Variants in CNNM2 observed in about 807,000 individuals in gnomAD.
CNNM2 encodes the protein cyclin and CBS domain divalent metal cation transport mediator 2.
CNNM2 carries 12 observed loss-of-function variants against 66.9 expected under a neutral mutation model. That is an observed-to-expected ratio of 0.18 (90% CI 0.11 to 0.29). CNNM2 has a LOEUF of 0.29. Ranked by LOEUF, CNNM2 falls within the 10% of genes least tolerant of loss-of-function variation. The pLI, the probability that CNNM2 is intolerant of heterozygous loss-of-function variation, is 1.00. For synonymous variants in CNNM2, 557 were observed against 501.8 expected (o/e 1.11, Z -1.47); for missense variants, 705 against 1,167.7 (o/e 0.60, Z 5.77).
Position 102,918,492 on chromosome 10 carries a change from T to A in CNNM2, c.12T>A (p.Cys4Ter). 1.2e-6 allele frequency: 2 copies of A among 1,606,960 alleles called. No individual in the cohort carries two copies. The highest frequency in any genetic ancestry group is 2.2e-5 in the South Asian group (2 of 90,162). The part of the protein sequence containing the change: MIG[C>*]GACEPKVKMA... Reference sequence around the variant, plus strand: ...GGAGCAGCCACCCTATGATTGGCTGTGGCGCTTGTGAACCCAAAGTAAAGA... The same window carrying A: ...GGAGCAGCCACCCTATGATTGGCTGAGGCGCTTGTGAACCCAAAGTAAAGA... The change falls in exon 1 of 8, where the codon TGT becomes TGA. Residue 4 changes from cysteine to a stop codon, truncating the protein, a stop_gained. Transcript: ENST00000369878. LOFTEE classifies it high-confidence loss of function. The surrounding 1 kb of genome is among the most constrained non-coding windows in gnomAD (Gnocchi z 4.1).
intron 1 of CNNM2, among the ~76,000 whole-genome samples, chr10:102,990,048 G>A (rs938803912): frequency 4.0e-5 from 6 of 151,310 alleles, no homozygotes; most frequent in African/African-American, 9.7e-5. Flanking sequence ...CGGTTCAAGC[G>A]ATTCTCATGC....
Position 103,068,484 on chromosome 10 carries a change from G to A in CNNM2, c.2074-145G>A, listed in dbSNP as rs1160216102. On this transcript the variant is annotated intron_variant, in intron 4 of 7. Transcript: ENST00000369878. ...AGCGAATGAGCCCCCTCCTCTCAGT[G>A]GGAAAGATGAGCTGAAGCTTTACTC... 1.4e-6 allele frequency: 1 copy of A among 709,926 alleles called. No individual in the cohort carries two copies. Among genetic ancestry groups the A allele is most frequent in the Non-Finnish European group, 2.5e-6 (1 of 393,638 alleles). 44.0% of individuals were successfully genotyped at this position (709,926 alleles called of 1,614,324 possible).
chr10:103,034,161 A>G (rs2064884076), intron 1 of CNNM2, among the ~76,000 whole-genome samples: 1 of 151,996 alleles, frequency 6.6e-6, no homozygotes, highest in African/African-American at 2.4e-5. Flanking sequence ...TTTCCCTTAT[A>G]TCACATAATT....
chr10:103,073,611 C>T (rs1467129851), intron 6 of CNNM2, among the ~76,000 whole-genome samples: 1 of 152,096 alleles, frequency 6.6e-6, no homozygotes, highest in Non-Finnish European at 1.5e-5. Context: ...CCTGTAATCC[C>T]AGCACTTTCG....
At chr10:102,993,781 AG>A (rs1489394534) in intron 1 of CNNM2, among the ~76,000 whole-genome samples, 1 of 151,880 alleles carries the variant, frequency 6.6e-6, no homozygotes, top group Non-Finnish European at 1.5e-5. Context: ...AAAAATTTTC[AG>A]GGTATACTTT....
At chr10:102,967,992 A>C (rs1272176920) in intron 1 of CNNM2, among the ~76,000 whole-genome samples, 3 of 152,248 alleles carry the variant, frequency 2.0e-5, no homozygotes, top group Admixed American at 1.3e-4. Context: ...TGAGCGACAC[A>C]GTGAGACTCT....
chr10:103,074,651 G>C (rs147351975), intron 6 of CNNM2, among the ~76,000 whole-genome samples: 58 of 152,092 alleles, frequency 3.8e-4, no homozygotes, highest in African/African-American at 1.3e-3. Context: ...TGGGCAACAT[G>C]GCAAAAACCC....
At chr10:102,930,068 C>T (rs1435168987) in intron 1 of CNNM2, among the ~76,000 whole-genome samples, 1 of 152,086 alleles carries the variant, frequency 6.6e-6, no homozygotes, top group Non-Finnish European at 1.5e-5. Context: ...GCTATGTTAG[C>T]TTTTTATGTT....
chr10:102,935,507 G>A (rs1846205343), intron 1 of CNNM2, among the ~76,000 whole-genome samples: 1 of 151,864 alleles, frequency 6.6e-6, no homozygotes, highest in Admixed American at 6.6e-5. Context: ...ATTTATCAAG[G>A]GTCTTCTTTG....
intron 1 of CNNM2, among the ~76,000 whole-genome samples, chr10:103,005,810 C>G (rs1002508315): frequency 6.6e-6 from 1 of 152,060 alleles, no homozygotes; most frequent in Non-Finnish European, 1.5e-5. Flanking sequence ...CTCACTGCAG[C>G]CTTGATCTCC....
intron 4 of CNNM2, among the ~76,000 whole-genome samples, chr10:103,062,067 A>C (rs1179681445): frequency 6.6e-6 from 1 of 152,244 alleles, no homozygotes; most frequent in East Asian, 1.9e-4. Flanking sequence ...CTATGCAAAT[A>C]TATTTATAGC....
At chr10:103,058,499 C>T (rs943165406) in intron 4 of CNNM2, among the ~76,000 whole-genome samples, 1 of 152,054 alleles carries the variant, frequency 6.6e-6, no homozygotes, top group Non-Finnish European at 1.5e-5. Context: ...AGTTGTGATT[C>T]AGTAATGCTT....
In CNNM2 at chr10:103,068,653, A is replaced by G; in HGVS notation, c.2098A>G (p.Lys700Glu). Residue 700 changes from lysine to glutamate, a missense_variant, in exon 5 of 8, where the codon AAA (lysine) becomes GAA (glutamate). Coordinates refer to ENST00000369878, the MANE Select transcript of CNNM2 (RefSeq NM_017649.5). ...GGGGAAAGTGGAAGTTGAAGCTGGG[A>G]AAGAAGGTATGAAGTTTGAAGCGAG... The part of the protein sequence containing the change: ...LQGKVEVEAG[K>E]EGMKFEASAF... 6.2e-7 allele frequency: 1 copy of G among 1,612,876 alleles called. No homozygotes were observed.
intron 1 of CNNM2, among the ~76,000 whole-genome samples, chr10:103,017,804 A>T (rs944522248): frequency 6.6e-6 from 1 of 151,816 alleles, no homozygotes; most frequent in Non-Finnish European, 1.5e-5. Flanking sequence ...TGTCTCTACT[A>T]AACATACAGA....
intron 1 of CNNM2, among the ~76,000 whole-genome samples, chr10:103,028,345 G>A (rs1467189366): frequency 2.0e-5 from 3 of 152,066 alleles, no homozygotes; most frequent in Non-Finnish European, 4.4e-5. Flanking sequence ...ACAACTCATT[G>A]TATTTGAGTA....
intron 1 of CNNM2, among the ~76,000 whole-genome samples, chr10:102,922,817 T>C (rs559247170): frequency 1.7e-4 from 26 of 151,840 alleles, no homozygotes; most frequent in African/African-American, 6.3e-4. Context: ...GGTGTGTGCC[T>C]GTGGTCCCAG....
intron 1 of CNNM2, among the ~76,000 whole-genome samples, chr10:103,043,308 T>C (rs545667718): frequency 6.6e-6 from 1 of 152,334 alleles, no homozygotes; most frequent in South Asian, 2.1e-4. Context: ...TATATCACGT[T>C]GTTCCTAATT....
chr10:102,925,456 T>C (rs1398345426), intron 1 of CNNM2, among the ~76,000 whole-genome samples: 1 of 152,124 alleles, frequency 6.6e-6, no homozygotes, highest in African/African-American at 2.4e-5. Flanking sequence ...TAGGTGAGTT[T>C]AGGAAAAACT....
intron 1 of CNNM2, among the ~76,000 whole-genome samples, chr10:102,925,946 TA>T (rs1432353552): frequency 6.6e-6 from 1 of 152,208 alleles, no homozygotes; most frequent in Non-Finnish European, 1.5e-5. Flanking sequence ...TAATTAAATA[TA>T]AGATGTTTTA....
Sources: gnomAD v4.1 joint callset for allele counts (sites outside exome capture counted in the v4.1 genomes callset) on GRCh38, gnomAD v4.1.1 for gene constraint, Gnocchi (gnomAD v3.1) non-coding constraint, MANE v1.5 for transcripts, NCBI Gene and HGNC (gene_info 2026-07-23, HGNC 2026-07-21) for gene names.